TBX22: variants seen among roughly 807,000 people sequenced by gnomAD.
TBX22 encodes T-box transcription factor 22.
Under a neutral mutation model 30.1 loss-of-function variants are expected in TBX22, and 8 were observed. The observed-to-expected ratio is 0.27, with a 90% CI of 0.16 to 0.48. TBX22 has a LOEUF of 0.48. Ranked by LOEUF, TBX22 falls within the 20% of genes least tolerant of loss-of-function variation. The pLI is 0.99. For synonymous variants in TBX22, 173 were observed against 149.1 expected (o/e 1.16, Z -1.17); for missense variants, 463 against 400.5 (o/e 1.16, Z -1.33).
intron 8 of TBX22, 51 bp downstream of exon 8, chrX:80,028,127 A>G: frequency 9.6e-7 from 1 of 1,039,548 alleles, no homozygotes; most frequent in Non-Finnish European, 1.3e-6. Flanking sequence ...ATTAAATAAC[A>G]ACATCCGGAA....
At position 80,014,782 on chromosome X, in the gene TBX22, C is replaced by T. The variant is rs1393029336; in HGVS notation, c.-108C>T. 1 of 112,405 alleles carries T rather than the reference C, an allele frequency of 8.9e-6. No homozygotes were observed. Among genetic ancestry groups the T allele is most frequent in the African/African-American group, 3.2e-5 (1 of 30,909 alleles). 9.3% of individuals were successfully genotyped at this position (112,405 alleles called of 1,213,427 possible). A position where few individuals can be genotyped will look rare whatever the true frequency, so the allele number is the denominator to read the frequency against. ...TTCTCTGGGCTCTTGAGAAGAGCTGCTGCAGGCATTTGCAGAGTGAATGAG... is the reference window on the plus strand; with the variant it reads ...TTCTCTGGGCTCTTGAGAAGAGCTGTTGCAGGCATTTGCAGAGTGAATGAG... On this transcript the variant is annotated 5_prime_UTR_variant, in exon 1 of 9. Coordinates refer to ENST00000373296, the MANE Select transcript of TBX22 (RefSeq NM_001109878.2).
At chrX:80,014,995 T>C (rs1399892548) in intron 1 of TBX22, 108 bp downstream of exon 1, 1 of 111,583 alleles carries the variant, frequency 9.0e-6, no homozygotes, top group Non-Finnish European at 1.9e-5. Context: ...ACCAAGTCCC[T>C]AACATTAGGA....
At chrX:80,022,939 G>T (rs1287639260) in intron 2 of TBX22, 121 bp from the exon 3 acceptor site, 1 of 704,833 alleles carries the variant, frequency 1.4e-6, no homozygotes, top group Non-Finnish European at 2.2e-6. Context: ...TGGGGAATCT[G>T]TCGCCAAAGT....
At chrX:80,024,618 G>T (rs1923884468) in intron 4 of TBX22, among the ~76,000 whole-genome samples, 1 of 111,757 alleles carries the variant, frequency 8.9e-6, no homozygotes, top group Non-Finnish European at 1.9e-5. Flanking sequence ...GAGGCCAGAA[G>T]GATGATCAAT....
At position 80,030,715 on chromosome X, in the gene TBX22, G is replaced by A. The variant is rs778651885; in HGVS notation, c.1167G>A (p.Pro389=). ...GGCAACAGCAACCTCTTGTTTTACCGGCTCCTGAAAGACTAGCAAGCAGCA... is the reference window on the plus strand; with the variant it reads ...GGCAACAGCAACCTCTTGTTTTACCAGCTCCTGAAAGACTAGCAAGCAGCA... ...NFWQQQPLVL[P]APERLASSNS... is the part of the protein sequence containing the mutation. Residue 389 remains proline, a synonymous_variant, in exon 9 of 9, where the codon CCG becomes CCA. Transcript: ENST00000373296. 95 of 1,209,936 alleles carry A rather than the reference G, an allele frequency of 7.9e-5. 1 individual carries two copies. The highest frequency in any genetic ancestry group is 9.8e-5 in the Non-Finnish European group (88 of 895,204).
At chrX:80,015,330 G>A (rs761214345) in intron 1 of TBX22, among the ~76,000 whole-genome samples, 10 of 112,127 alleles carry the variant, frequency 8.9e-5, no homozygotes, top group South Asian at 3.8e-4. Context: ...TGAAGCCAAC[G>A]TGGAAGTCAC....
At chrX:80,018,311 T>C (rs148083778) in intron 1 of TBX22, among the ~76,000 whole-genome samples, 16 of 112,436 alleles carry the variant, frequency 1.4e-4, no homozygotes, top group Non-Finnish European at 2.4e-4. Flanking sequence ...ACCAAAGATA[T>C]ATTTCCAAGG....
At chrX:80,017,005 CAA>C (rs1270817239) in intron 1 of TBX22, among the ~76,000 whole-genome samples, 7 of 29,292 alleles carry the variant, frequency 2.4e-4, no homozygotes, top group African/African-American at 5.9e-4. Context: ...GATTCTGTCT[CAA>C]AAAAAAAAAA....
At chrX:80,022,121 G>T (rs1403360068) in intron 1 of TBX22, 147 bp from the exon 2 acceptor site, 2 of 525,274 alleles carry the variant, frequency 3.8e-6, no homozygotes, top group Middle Eastern at 5.1e-4. Context: ...TTGGGTTTTG[G>T]GTTTGGGGTT....
At position 80,025,524 on chromosome X, in the gene TBX22, G is replaced by A. The variant is rs896034937; in HGVS notation, c.459-79G>A. On this transcript the variant is annotated intron_variant, in intron 4 of 8. Transcript: ENST00000373296. Reference sequence around the variant, plus strand: ...CTTGGGATCACTGGGCTAATCTGGAGTGAAGTCCTCAGGAACAGAACACAA... The same window carrying A: ...CTTGGGATCACTGGGCTAATCTGGAATGAAGTCCTCAGGAACAGAACACAA... 3.6e-6 allele frequency: 3 copies of A among 834,455 alleles called. No homozygotes were observed. The African/African-American group carries it at 6.0e-5, about 17-fold the overall frequency. The allele number at this position is 834,455 out of a possible 1,213,427, so 68.8% of individuals were successfully genotyped here.
rs192736306 is a variant in TBX22 at position 80,024,037 on chromosome X, G to A, written c.357-26G>A. Reference sequence around the variant, plus strand: ...TCCAAACATTTCTAAAAGCTCTTGGGTCAGTCCTTATTTTCTTTCTTACAG... The same window carrying A: ...TCCAAACATTTCTAAAAGCTCTTGGATCAGTCCTTATTTTCTTTCTTACAG... On this transcript the variant is annotated intron_variant, in intron 3 of 8. Transcript: ENST00000373296. 767 of 1,186,449 alleles carry A rather than the reference G, an allele frequency of 6.5e-4. 3 individuals are homozygous for A. Among genetic ancestry groups the A allele is most frequent in the Admixed American group, 4.1e-4 (19 of 45,811 alleles).
In TBX22 at chrX:80,025,773, G is replaced by C. The variant is rs772672988; in HGVS notation, c.629G>C (p.Gly210Ala). 2.5e-6 allele frequency: 3 copies of C among 1,201,231 alleles called. No individual in the cohort carries two copies. Among genetic ancestry groups the C allele is most frequent in the Non-Finnish European group, 3.4e-6 (3 of 889,249 alleles). The stretch of plus-strand genomic sequence containing the variant: ...ACCAACAATGAGATGGATGACAAAG[G>C]CCACGTACGTGAGCACAATCCTTTA... Reference protein sequence around the residue: ...KLTNNEMDDKGHIILQSMHKY... With the variant: ...KLTNNEMDDKAHIILQSMHKY... Residue 210 changes from glycine to alanine, a missense_variant, in exon 5 of 9, where the codon GGC becomes GCC. Physicochemically the swap from Gly to Ala is moderately conservative, Grantham distance 60 (BLOSUM62 0). Transcript: ENST00000373296.
chrX:80,022,746 C>A, intron 2 of TBX22: 1 of 412,368 alleles, frequency 2.4e-6, no homozygotes, highest in Non-Finnish European at 4.2e-6. Context: ...GGAAGCAGGG[C>A]GAGTTCCCAA....
chrX:80,024,111 G>T lies in TBX22; in HGVS notation c.405G>T (p.Gly135=). ...VRVKVKGLDP[G]KQYHVAIDVV... is the part of the protein sequence containing the mutation. ...TCAAGGTGAAAGGGTTGGATCCAGG[G>T]AAGCAGTACCATGTGGCCATCGATG... The change falls in exon 4 of 9, where the codon GGG becomes GGT. Residue 135 remains glycine, a synonymous_variant. Coordinates refer to ENST00000373296, the MANE Select transcript of TBX22 (RefSeq NM_001109878.2). 8.3e-7 allele frequency: 1 copy of T among 1,211,475 alleles called. No individual in the cohort carries two copies. Among genetic ancestry groups the T allele is most frequent in the Non-Finnish European group, 1.1e-6 (1 of 895,449 alleles).
intron 8 of TBX22, among the ~76,000 whole-genome samples, chrX:80,030,070 G>T (rs940400234): frequency 1.2e-4 from 13 of 111,769 alleles, no homozygotes; most frequent in African/African-American, 3.6e-4. Context: ...TTCCACCTCA[G>T]ATCATCAGGC....
In TBX22 at chrX:80,023,258, C is replaced by T; in HGVS notation, c.356+18C>T. On this transcript the variant is annotated intron_variant, in intron 3 of 8. Coordinates refer to ENST00000373296, the MANE Select transcript of TBX22 (RefSeq NM_001109878.2). ...GCGGGCAGGTTCGGTTCTGCCCAAGCTGTTCACAAGGGTCACACACATTAG... is the reference window on the plus strand; with the variant it reads ...GCGGGCAGGTTCGGTTCTGCCCAAGTTGTTCACAAGGGTCACACACATTAG... The T allele has an allele frequency of 8.3e-7, 1 of 1,205,340 alleles. No individual in the cohort carries two copies. The highest frequency in any genetic ancestry group is 2.2e-5 in the Admixed American group (1 of 46,014).
chrX:80,018,317 C>T (rs1359995280), intron 1 of TBX22, among the ~76,000 whole-genome samples: 1 of 111,945 alleles, frequency 8.9e-6, no homozygotes. Context: ...GATATATTTC[C>T]AAGGATGAAC....
At chrX:80,024,284 A>C in intron 4 of TBX22, 120 bp downstream of exon 4, 2 of 622,997 alleles carry the variant, frequency 3.2e-6, no homozygotes, top group Non-Finnish European at 5.3e-6. Flanking sequence ...GGAGTGGGGG[A>C]TTGCTCTCCT....
chrX:80,017,988 A>G (rs145090274), intron 1 of TBX22, among the ~76,000 whole-genome samples: 1,566 of 112,025 alleles, frequency 0.014, 18 homozygotes, highest in Middle Eastern at 0.023. Context: ...CCTCCCCATG[A>G]GAAGAACACA....
Sources: gnomAD v4.1 joint callset for allele counts (sites outside exome capture counted in the v4.1 genomes callset) on GRCh38, gnomAD v4.1.1 for gene constraint, MANE v1.5 for transcripts, NCBI Gene and HGNC (gene_info 2026-07-23, HGNC 2026-07-21) for gene names.